FYB1: variants seen among roughly 807,000 people sequenced by gnomAD.
FYB1 encodes the protein FYN binding protein 1.
FYB1 carries 41 observed loss-of-function variants against 94.1 expected under a neutral mutation model. The observed-to-expected ratio is 0.44, with a 90% CI of 0.34 to 0.57. The LOEUF is 0.57. Ranked by LOEUF, FYB1 falls within the 20% of genes least tolerant of loss-of-function variation. FYB1 has a pLI of 0.02. For synonymous variants in FYB1, 367 were observed against 353.2 expected, an observed-to-expected ratio of 1.04 and a Z score of -0.44; for missense variants, 1,050 against 976.8, an observed-to-expected ratio of 1.07 and a Z score of -1.00.
At chr5:39,229,319 C>G (rs907872419) in intron 1 of FYB1, among the ~76,000 whole-genome samples, 9 of 152,090 alleles carry the variant, frequency 5.9e-5, no homozygotes, top group Non-Finnish European at 1.0e-4. Context: ...AAATACGAAG[C>G]TAATTTGTTC....
chr5:39,263,623 C>G (rs1165739547), intron 1 of FYB1, among the ~76,000 whole-genome samples: 4 of 152,190 alleles, frequency 2.6e-5, no homozygotes, highest in Non-Finnish European at 5.9e-5. Context: ...CGTTTCCATA[C>G]TCTCAGATTT....
intron 3 of FYB1, among the ~76,000 whole-genome samples, chr5:39,141,643 G>A (rs1316658167): frequency 2.0e-5 from 3 of 152,164 alleles, no homozygotes; most frequent in Middle Eastern, 3.4e-3. Context: ...CATTAGGTTG[G>A]TGCAAAAGTA....
chr5:39,155,255 G>A (rs1433869486), intron 2 of FYB1, among the ~76,000 whole-genome samples: 1 of 152,060 alleles, frequency 6.6e-6, no homozygotes, highest in Non-Finnish European at 1.5e-5. Flanking sequence ...TGACCATATT[G>A]CCCTCTCTCT....
intron 1 of FYB1, among the ~76,000 whole-genome samples, chr5:39,255,254 C>T (rs1561311782): frequency 6.6e-6 from 1 of 152,180 alleles, no homozygotes; most frequent in East Asian, 1.9e-4. Flanking sequence ...GCTCTACTTG[C>T]CCAGTCTATG....
In FYB1 at chr5:39,240,076, A is replaced by G. The variant is rs1582393; in HGVS notation, c.-28+34327T>C. 8.9e-3 allele frequency among the ~76,000 whole-genome samples: 1,356 copies of G among 152,342 alleles called. 15 individuals carry two copies. The highest frequency in any genetic ancestry group is 0.028 in the African/African-American group (1,178 of 41,582). ...AGTCAATATAACAAGCAATGAGGAAAGGACTCCATATTCATAAATGGTGCT... is the reference window on the plus strand; with the variant it reads ...AGTCAATATAACAAGCAATGAGGAAGGGACTCCATATTCATAAATGGTGCT... On this transcript the variant is annotated intron_variant, in intron 1 of 1. Coordinates refer to the FYB1 transcript ENST00000510188.
In FYB1 at chr5:39,106,449, T is replaced by G. The variant is rs1005645154; in HGVS notation, c.*994A>C. On this transcript the variant is annotated 3_prime_UTR_variant, in exon 19 of 19. Transcript: ENST00000512982. The stretch of plus-strand genomic sequence containing the variant: ...GATTGCTTTGGGAATGAGTATGTAC[T>G]GTTAGAGAAGGGCCCAATCCAAACA... 6.6e-6 allele frequency: 1 copy of G among 152,140 alleles called. No homozygotes were observed. The highest frequency in any genetic ancestry group is 6.5e-5 in the Admixed American group (1 of 15,272). 9.4% of individuals were successfully genotyped at this position (152,140 alleles called of 1,614,324 possible).
intron 2 of FYB1, among the ~76,000 whole-genome samples, chr5:39,199,023 C>A (rs937862542): frequency 6.6e-6 from 1 of 151,564 alleles, no homozygotes; most frequent in Non-Finnish European, 1.5e-5. Flanking sequence ...GAAATGGGGG[C>A]GATAATTACA....
At chr5:39,185,112 T>A (rs1293511005) in intron 2 of FYB1, among the ~76,000 whole-genome samples, 1 of 152,178 alleles carries the variant, frequency 6.6e-6, no homozygotes, top group East Asian at 1.9e-4. Flanking sequence ...CTAAGTCCTA[T>A]GGATAGGGAA....
At chr5:39,187,409 T>C (rs1561233279) in intron 2 of FYB1, among the ~76,000 whole-genome samples, 1 of 152,346 alleles carries the variant, frequency 6.6e-6, no homozygotes, top group East Asian at 1.9e-4. Flanking sequence ...GTCTAATTTC[T>C]TGTAAGTACC....
intron 1 of FYB1, among the ~76,000 whole-genome samples, chr5:39,230,136 G>A (rs547007039): frequency 5.3e-5 from 8 of 152,296 alleles, no homozygotes; most frequent in African/African-American, 1.9e-4. Context: ...ACCTTATATA[G>A]CAAAGGGGAA....
chr5:39,128,863 A>G (rs1053160884), intron 10 of FYB1, among the ~76,000 whole-genome samples: 1 of 152,162 alleles, frequency 6.6e-6, no homozygotes, highest in Non-Finnish European at 1.5e-5. Flanking sequence ...CCATGCTCAC[A>G]TATTAGAATA....
rs141765263 is a variant in FYB1, at chr5:39,259,518, C to A, written c.-28+14885G>T. ...TGAAGGCAGGTAGAAAGAAAACTAA[C>A]CAACCGATCAACAAAGCCTCCTTGA... is the stretch of plus-strand genomic sequence containing the variant. On this transcript the variant is annotated intron_variant, in intron 1 of 1. Transcript: ENST00000510188. 2.2e-3 allele frequency among the ~76,000 whole-genome samples: 341 copies of A among 152,272 alleles called. 9 individuals are homozygous for A. The South Asian group carries it at 0.055, about 24-fold the overall frequency.
chr5:39,150,353 C>T (rs545155249), intron 3 of FYB1, among the ~76,000 whole-genome samples: 1 of 152,336 alleles, frequency 6.6e-6, no homozygotes, highest in East Asian at 1.9e-4. Flanking sequence ...ATTGTTCTAT[C>T]TCCCTGTACC....
chr5:39,153,651 A>G lies in FYB1; in HGVS notation c.1136-47T>C, dbSNP rs754222782. On this transcript the variant is annotated intron_variant, in intron 2 of 18. Transcript: ENST00000512982. Reference sequence around the variant, plus strand: ...ACCATGAATTAAGACAAATCTTCAAAAAGAAGATTGTTAATTGCAAACATA... The same window carrying G: ...ACCATGAATTAAGACAAATCTTCAAGAAGAAGATTGTTAATTGCAAACATA... 1.6e-5 allele frequency: 24 copies of G among 1,534,672 alleles called. 1 individual carries two copies. In the South Asian group the frequency reaches 2.6e-4, roughly 16 times the overall value.
In FYB1 at chr5:39,192,682, G is replaced by A. The variant is rs139079697; in HGVS notation, c.1135+9144C>T. 4.1e-4 allele frequency among the ~76,000 whole-genome samples: 63 copies of A among 152,248 alleles called. No homozygotes were observed. The Middle Eastern group carries it at 0.01, about 25-fold the overall frequency. On this transcript the variant is annotated intron_variant, in intron 2 of 18. Coordinates refer to ENST00000512982, the MANE Select transcript of FYB1 (RefSeq NM_001465.6). ...AAAGCGACAGTTCCTCTTAAAGCAG[G>A]GTGAGGATAACTATATTAAGGGAAC...
At chr5:39,127,718 A>T in intron 11 of FYB1, 23 bp downstream of exon 11, 1 of 1,576,748 alleles carries the variant, frequency 6.3e-7, no homozygotes, top group Non-Finnish European at 8.6e-7. Flanking sequence ...ATTTGCAAAA[A>T]GCAGTTCACT....
chr5:39,146,267 G>A (rs1742649842), intron 3 of FYB1, among the ~76,000 whole-genome samples: 1 of 152,004 alleles, frequency 6.6e-6, no homozygotes, highest in African/African-American at 2.4e-5. Flanking sequence ...AGTTGTCCCT[G>A]ATTTCCTTAA....
At position 39,122,399 on chromosome 5, in the gene FYB1, A is replaced by G. The variant is rs762151772; in HGVS notation, c.2075T>C (p.Met692Thr). ...SFPAPPKQLD[M>T]GDEVYDDVDT... ...CACATCATCGTAAACTTCATCTCCC[A>G]TGTCTAACAAAAGACAGAATATCAA... Residue 692 changes from methionine (M) to threonine (T), a missense_variant, in exon 14 of 19, where the codon ATG (methionine) becomes ACG (threonine). Physicochemically the swap from Met to Thr is moderately conservative, Grantham distance 81. Transcript: ENST00000512982. The G allele has an allele frequency of 1.0e-5, 16 of 1,565,798 alleles. No homozygotes were observed. In the East Asian group the frequency reaches 2.7e-4, roughly 27 times the overall value.
chr5:39,252,556 T>C (rs969715305), intron 1 of FYB1, among the ~76,000 whole-genome samples: 1 of 152,232 alleles, frequency 6.6e-6, no homozygotes, highest in African/African-American at 2.4e-5. Context: ...AAAGCATATG[T>C]CTTAAGAGAA....
Sources: allele counts gnomAD v4.1 joint callset (sites outside exome capture counted in the v4.1 genomes callset), GRCh38; gene constraint gnomAD v4.1.1; transcripts MANE v1.5; gene names NCBI Gene and HGNC (gene_info 2026-07-23, HGNC 2026-07-21).